Variants in AK4 observed in about 807,000 individuals in gnomAD.
AK4 encodes adenylate kinase 4, also known as adenylate kinase 4, mitochondrial.
A neutral mutation model predicts 24.6 loss-of-function variants in AK4; 13 were observed. The ratio of observed to expected loss-of-function variants is 0.53; its 90% CI spans 0.34 to 0.84. AK4 has a LOEUF of 0.84. Among genes scored for constraint, AK4 ranks in the 40% least tolerant of loss-of-function variants. The pLI, the probability that AK4 is intolerant of heterozygous loss-of-function variation, is 0.01. For synonymous variants in AK4, 88 were observed against 107.0 expected (o/e 0.82, Z 1.10); for missense variants, 192 against 288.2 (o/e 0.67, Z 2.42).
intron 1 of AK4, among the ~76,000 whole-genome samples, chr1:65,161,434 A>C (rs745561538): frequency 6.6e-6 from 1 of 152,168 alleles, no homozygotes; most frequent in Non-Finnish European, 1.5e-5. Flanking sequence ...CAGGTAGAGC[A>C]TGGGGGTCAT....
intron 1 of AK4, among the ~76,000 whole-genome samples, chr1:65,182,313 G>A (rs1230343677): frequency 1.3e-5 from 2 of 152,148 alleles, no homozygotes; most frequent in African/African-American, 4.8e-5. Context: ...TGTGTTCAGA[G>A]AATTTTCAGC....
chr1:65,159,799 C>A (rs948946175), intron 1 of AK4, among the ~76,000 whole-genome samples: 10 of 151,944 alleles, frequency 6.6e-5, no homozygotes, highest in African/African-American at 2.4e-4. Context: ...GAAACCCCGT[C>A]TCTACTAAAA....
intron 3 of AK4, among the ~76,000 whole-genome samples, chr1:65,220,758 G>A (rs1237686521): frequency 1.3e-5 from 2 of 152,210 alleles, no homozygotes; most frequent in African/African-American, 4.8e-5. Flanking sequence ...TGACAGGTAC[G>A]AGCCACTGCG....
intron 1 of AK4, among the ~76,000 whole-genome samples, chr1:65,170,954 CTT>C (rs36098576): frequency 0.027 from 2,913 of 109,024 alleles, 35 homozygotes; most frequent in African/African-American, 0.051. Context: ...TGTCTTCTTC[CTT>C]TTTTTTTTTT....
intron 1 of AK4, among the ~76,000 whole-genome samples, chr1:65,189,122 A>G (rs867523625): frequency 6.6e-6 from 1 of 151,294 alleles, no homozygotes; most frequent in East Asian, 2.0e-4. Flanking sequence ...TTTAGTAGAG[A>G]TGGTATTTCA....
At chr1:65,222,131 T>C (rs1210769057) in intron 3 of AK4, among the ~76,000 whole-genome samples, 1 of 152,050 alleles carries the variant, frequency 6.6e-6, no homozygotes, top group Non-Finnish European at 1.5e-5. Flanking sequence ...GGCTCACAGA[T>C]TGTTTGGATC....
intron 1 of AK4, among the ~76,000 whole-genome samples, chr1:65,155,827 G>A (rs1649963179): frequency 6.6e-6 from 1 of 150,862 alleles, no homozygotes; most frequent in African/African-American, 2.5e-5. Flanking sequence ...TTGCCACCAT[G>A]CCTGGCTTAA....
intron 1 of AK4, among the ~76,000 whole-genome samples, chr1:65,172,416 CCTT>C (rs1449677318): frequency 6.6e-6 from 1 of 151,938 alleles, no homozygotes; most frequent in Non-Finnish European, 1.5e-5. Flanking sequence ...TTGTTTTCCT[CCTT>C]TTATTTGGCG....
intron 1 of AK4, among the ~76,000 whole-genome samples, chr1:65,149,623 G>T (rs1430510724): frequency 6.6e-6 from 1 of 152,204 alleles, no homozygotes; most frequent in African/African-American, 2.4e-5. Context: ...CAGAAGCACA[G>T]ACTGGCTTGA....
rs1557472631 is a variant in AK4 at position 65,226,205 on chromosome 1, T to C, written c.*28T>C. 1.9e-6 allele frequency: 3 copies of C among 1,556,400 alleles called. No individual in the cohort carries two copies. The highest frequency in any genetic ancestry group is 3.6e-5 in the Admixed American group (2 of 54,902). ...CTGCCCAATGGAAGAACCAGGAAGATGTGGTCATTCATTCAATAGTGTGTG... is the reference window on the plus strand; with the variant it reads ...CTGCCCAATGGAAGAACCAGGAAGACGTGGTCATTCATTCAATAGTGTGTG... On this transcript the variant is annotated 3_prime_UTR_variant, in exon 5 of 5. Coordinates refer to ENST00000327299, the MANE Select transcript of AK4 (RefSeq NM_013410.4).
intron 3 of AK4, among the ~76,000 whole-genome samples, chr1:65,219,240 CTA>C (rs1276933443): frequency 1.3e-5 from 2 of 151,476 alleles, no homozygotes; most frequent in South Asian, 2.1e-4. Flanking sequence ...AACTAAAAGT[CTA>C]TTGCTGGTGG....
Position 65,160,907 on chromosome 1 carries a change from A to G in AK4, c.145+12355A>G, listed in dbSNP as rs116915216. On this transcript the variant is annotated intron_variant, in intron 1 of 4. Transcript: ENST00000327299. ...ACCACACTGCAGGGGAGGAGCCCTT[A>G]TGACCACTTAAAGGCCCCACCTCTT... 5.9e-5 allele frequency among the ~76,000 whole-genome samples: 9 copies of G among 152,200 alleles called. No homozygotes were observed. The East Asian group carries it at 1.7e-3, about 29-fold the overall frequency.
At chr1:65,190,686 C>T (rs1296310829) in intron 1 of AK4, 24 bp from the exon 2 acceptor site, 1 of 1,604,236 alleles carries the variant, frequency 6.2e-7, no homozygotes, top group South Asian at 1.1e-5. Flanking sequence ...TTGAATACCT[C>T]TTTTTTTCTT....
chr1:65,198,166 A>G (rs1651542372), intron 2 of AK4, among the ~76,000 whole-genome samples: 2 of 152,202 alleles, frequency 1.3e-5, no homozygotes, highest in Admixed American at 1.3e-4. Flanking sequence ...GGTTGTTACT[A>G]AGGCAGTGAT....
intron 2 of AK4, among the ~76,000 whole-genome samples, chr1:65,204,981 G>A (rs908549865): frequency 6.6e-5 from 10 of 152,198 alleles, no homozygotes; most frequent in Middle Eastern, 3.4e-3. Context: ...TAATTGTATG[G>A]TACGTGAACT....
chr1:65,169,449 C>T (rs1008261260), intron 1 of AK4, among the ~76,000 whole-genome samples: 10 of 151,898 alleles, frequency 6.6e-5, no homozygotes, highest in East Asian at 1.9e-4. Context: ...ATTTGACCAC[C>T]CTAGCTCTGT....
At chr1:65,185,280 T>A (rs964620360) in intron 1 of AK4, among the ~76,000 whole-genome samples, 4 of 152,190 alleles carry the variant, frequency 2.6e-5, no homozygotes, top group African/African-American at 9.6e-5. Flanking sequence ...TTGAAATTCT[T>A]CATTTTCCAA....
chr1:65,176,543 C>G (rs758509405), intron 1 of AK4, among the ~76,000 whole-genome samples: 4 of 152,114 alleles, frequency 2.6e-5, no homozygotes, highest in Non-Finnish European at 4.4e-5. Context: ...CCGGGAGACT[C>G]TCCTTAGTCT....
chr1:65,148,231 G>A lies in AK4; in HGVS notation c.-177G>A, dbSNP rs1026394365. The A allele has an allele frequency of 1.2e-5, 15 of 1,240,130 alleles. 1 individual carries two copies. In the African/African-American group the frequency reaches 2.2e-4, roughly 18 times the overall value. 76.8% of individuals were successfully genotyped at this position (1,240,130 alleles called of 1,614,324 possible). ...CCGCCTGCTACTCGGTCCCGGCGCTGGGCTGAGGGGAGGGGTTGTCTTAAA... is the reference window on the plus strand; with the variant it reads ...CCGCCTGCTACTCGGTCCCGGCGCTAGGCTGAGGGGAGGGGTTGTCTTAAA... On this transcript the variant is annotated 5_prime_UTR_variant, in exon 1 of 5. Coordinates refer to ENST00000327299, the MANE Select transcript of AK4 (RefSeq NM_013410.4).
Sources: gnomAD v4.1 joint callset for allele counts (sites outside exome capture counted in the v4.1 genomes callset) on GRCh38, gnomAD v4.1.1 for gene constraint, MANE v1.5 for transcripts, NCBI Gene and HGNC (gene_info 2026-07-23, HGNC 2026-07-21) for gene names.